The following MCTP1 variants were observed in gnomAD, a reference collection of about 807,000 sequenced individuals.
MCTP1 encodes multiple C2 and transmembrane domain containing 1.
In MCTP1, 69 loss-of-function variants were observed where a neutral mutation model predicts 120.6. That is an observed-to-expected ratio of 0.57 (90% CI 0.47 to 0.70). MCTP1 has a LOEUF of 0.70. Ranked by LOEUF, MCTP1 falls within the 30% of genes least tolerant of loss-of-function variation. The pLI is 0.00. For synonymous variants in MCTP1, 529 were observed against 493.1 expected (o/e 1.07, Z -0.96); for missense variants, 1,203 against 1,248.8 (o/e 0.96, Z 0.55).
chr5:95,073,459 T>C (rs1262394688), intron 1 of MCTP1, among the ~76,000 whole-genome samples: 2 of 152,126 alleles, frequency 1.3e-5, no homozygotes, highest in Non-Finnish European at 2.9e-5. Flanking sequence ...TTACTGAGTA[T>C]GGAGTGGGGA....
chr5:94,969,232 A>G (rs1826256379), intron 2 of MCTP1, among the ~76,000 whole-genome samples: 1 of 152,160 alleles, frequency 6.6e-6, no homozygotes, highest in South Asian at 2.1e-4. Flanking sequence ...GGGCACTTCA[A>G]CATTCTGTGT....
At chr5:95,002,961 T>C (rs1398703742) in intron 2 of MCTP1, among the ~76,000 whole-genome samples, 10 of 152,046 alleles carry the variant, frequency 6.6e-5, no homozygotes, top group African/African-American at 2.4e-4. Context: ...CTGGTGGAAG[T>C]TAATTGAATC....
chr5:94,939,585 G>C (rs562268412), intron 5 of MCTP1, among the ~76,000 whole-genome samples: 4 of 151,846 alleles, frequency 2.6e-5, no homozygotes, highest in Non-Finnish European at 4.4e-5. Flanking sequence ...CTGAAAAATG[G>C]GTAATATCAA....
chr5:95,191,453 G>A (rs935440984), intron 1 of MCTP1, among the ~76,000 whole-genome samples: 4 of 151,952 alleles, frequency 2.6e-5, no homozygotes, highest in East Asian at 3.9e-4. Flanking sequence ...CACCACATGC[G>A]AATCTGAAGA....
chr5:95,105,285 T>A (rs1164680750), intron 1 of MCTP1, among the ~76,000 whole-genome samples: 1 of 152,168 alleles, frequency 6.6e-6, no homozygotes, highest in Non-Finnish European at 1.5e-5. Flanking sequence ...TCAAGGTGTT[T>A]GACATGACTC....
intron 1 of MCTP1, among the ~76,000 whole-genome samples, chr5:95,178,754 C>T (rs1248226868): frequency 2.0e-5 from 3 of 152,110 alleles, no homozygotes; most frequent in East Asian, 1.9e-4. Flanking sequence ...TCTGGTATTA[C>T]GATAAAACAA....
At chr5:94,709,270 A>G (rs907038766) in intron 21 of MCTP1, 2 of 152,098 alleles carry the variant, frequency 1.3e-5, no homozygotes, top group African/African-American at 4.8e-5. Context: ...CCATCTCCTC[A>G]TGTAAGACCT....
chr5:95,205,437 C>T (rs1440478996), intron 1 of MCTP1, among the ~76,000 whole-genome samples: 1 of 152,004 alleles, frequency 6.6e-6, no homozygotes, highest in Non-Finnish European at 1.5e-5. Flanking sequence ...TTGAATTAGA[C>T]AATGGTGTCT....
intron 17 of MCTP1, among the ~76,000 whole-genome samples, chr5:94,835,438 T>G (rs946418706): frequency 9.9e-5 from 15 of 152,068 alleles, no homozygotes; most frequent in African/African-American, 3.4e-4. Context: ...AAGGAATGAG[T>G]TACAATAGCC....
At chr5:95,157,536 A>G (rs561336028) in intron 1 of MCTP1, among the ~76,000 whole-genome samples, 5 of 152,350 alleles carry the variant, frequency 3.3e-5, no homozygotes, top group South Asian at 2.1e-4. Context: ...CAACTTGTCC[A>G]TGGTCAGTGG....
intron 2 of MCTP1, chr5:94,976,618 A>G (rs894454054): frequency 6.6e-6 from 1 of 152,128 alleles, no homozygotes; most frequent in African/African-American, 2.4e-5. Context: ...TACTTGTGAC[A>G]TATCTCTCAA....
chr5:95,063,836 T>C (rs1749903146), intron 1 of MCTP1, among the ~76,000 whole-genome samples: 1 of 152,006 alleles, frequency 6.6e-6, no homozygotes. Context: ...TTTTTTATTA[T>C]AGAATATTTA....
intron 2 of MCTP1, among the ~76,000 whole-genome samples, chr5:94,994,313 G>C (rs916678608): frequency 6.6e-6 from 1 of 152,196 alleles, no homozygotes; most frequent in Admixed American, 6.5e-5. Context: ...CGGGTATCTA[G>C]AGAGTGTCTT....
At chr5:95,138,758 C>CT in intron 1 of MCTP1, among the ~76,000 whole-genome samples, 1 of 152,298 alleles carries the variant, frequency 6.6e-6, no homozygotes. Flanking sequence ...TTATTATCTT[C>CT]TTTATCTTTT....
rs113299067 is a variant in MCTP1, at chr5:95,050,778, T to C, written c.721-33294A>G. On this transcript the variant is annotated intron_variant, in intron 1 of 22. Transcript: ENST00000515393. The stretch of plus-strand genomic sequence containing the variant: ...GTGTGGAAGTTCTAATTCCTAGTAC[T>C]GTAGCATGTGATGTTTTTGGAAACA... Among the ~76,000 whole-genome samples the C allele has an allele frequency of 6.7e-3, 1,016 of 152,346 alleles. 12 individuals carry two copies. Among genetic ancestry groups the C allele is most frequent in the African/African-American group, 0.023 (975 of 41,572 alleles).
At chr5:94,801,786 C>T (rs1444203372) in intron 17 of MCTP1, among the ~76,000 whole-genome samples, 1 of 152,162 alleles carries the variant, frequency 6.6e-6, no homozygotes, top group East Asian at 1.9e-4. Flanking sequence ...GAAAAAACTA[C>T]CTAGGTGACA....
intron 1 of MCTP1, among the ~76,000 whole-genome samples, chr5:95,103,392 G>C (rs1176326717): frequency 6.6e-6 from 1 of 152,116 alleles, no homozygotes; most frequent in Non-Finnish European, 1.5e-5. Context: ...GTGAACAACT[G>C]TATGGCATAT....
intron 17 of MCTP1, among the ~76,000 whole-genome samples, chr5:94,822,181 G>A (rs1785821563): frequency 6.6e-6 from 1 of 151,996 alleles, no homozygotes; most frequent in Non-Finnish European, 1.5e-5. Context: ...ATCTACATTA[G>A]GTATTTCTCC....
At chr5:94,792,362 A>G (rs1378382082) in intron 18 of MCTP1, 1 of 152,322 alleles carries the variant, frequency 6.6e-6, no homozygotes, top group Admixed American at 6.5e-5. Context: ...AGGCAGAAGC[A>G]TCACTCCTTT....
Sources: allele counts gnomAD v4.1 joint callset (sites outside exome capture counted in the v4.1 genomes callset), GRCh38; gene constraint gnomAD v4.1.1; transcripts MANE v1.5; gene names NCBI Gene and HGNC (gene_info 2026-07-23, HGNC 2026-07-21).